DRD2: variants seen among roughly 807,000 people sequenced by gnomAD.
DRD2 encodes the protein dopamine receptor D2, also known as D(2) dopamine receptor.
A neutral mutation model predicts 38.0 loss-of-function variants in DRD2; 8 were observed. The observed-to-expected ratio is 0.21, with a 90% confidence interval of 0.12 to 0.38. The LOEUF (loss-of-function observed/expected upper bound fraction) is 0.38, where lower values mean the gene tolerates loss of function less well. Ranked by LOEUF, DRD2 falls within the 10% of genes least tolerant of loss-of-function variation. The pLI, the probability that DRD2 is intolerant of heterozygous loss-of-function variation, is 1.00. For missense variants in DRD2, 403 were observed against 607.7 expected, an observed-to-expected ratio of 0.66 and a Z score of 3.54; for synonymous variants, 230 against 238.6, an observed-to-expected ratio of 0.96 and a Z score of 0.33.
chr11:113,445,457 G>T (rs1240196304), intron 1 of DRD2, among the ~76,000 whole-genome samples: 2 of 152,156 alleles, frequency 1.3e-5, no homozygotes, highest in African/African-American at 4.8e-5. Context: ...ATTCACACAG[G>T]CACCTCCGAT....
chr11:113,441,701 A>G (rs564079368), intron 1 of DRD2, among the ~76,000 whole-genome samples: 4 of 152,214 alleles, frequency 2.6e-5, no homozygotes, highest in African/African-American at 7.2e-5. Context: ...ATGGAAAAAG[A>G]AGCTACACCT....
intron 1 of DRD2, among the ~76,000 whole-genome samples, chr11:113,430,880 G>A (rs548407015): frequency 1.3e-5 from 2 of 152,206 alleles, no homozygotes; most frequent in Non-Finnish European, 2.9e-5. Context: ...CCAATTTCTT[G>A]TTCTTTTTTT....
chr11:113,424,729 CA>C, intron 1 of DRD2, 47 bp from the exon 2 acceptor site: 1 of 1,574,788 alleles, frequency 6.4e-7, no homozygotes, highest in Non-Finnish European at 8.7e-7. Context: ...GGGCCTCTTG[CA>C]GAGGTCTCCA....
chr11:113,435,268 G>A (rs1951024719), intron 1 of DRD2, among the ~76,000 whole-genome samples: 1 of 146,698 alleles, frequency 6.8e-6, no homozygotes. Flanking sequence ...CCGTAAAAAT[G>A]TCTCCTCATA....
intron 7 of DRD2, chr11:113,411,434 T>G: frequency 6.5e-6 from 1 of 154,088 alleles, no homozygotes; most frequent in Non-Finnish European, 1.4e-5. Context: ...TTCCCCCAAT[T>G]TCCCCAGTCT....
At chr11:113,463,640 T>C (rs1951342799) in intron 1 of DRD2, among the ~76,000 whole-genome samples, 1 of 152,136 alleles carries the variant, frequency 6.6e-6, no homozygotes, top group Non-Finnish European at 1.5e-5. Flanking sequence ...ATGGTGTGCA[T>C]GCGTGTTTGC....
At chr11:113,430,663 G>T (rs1402256889) in intron 1 of DRD2, among the ~76,000 whole-genome samples, 1 of 152,192 alleles carries the variant, frequency 6.6e-6, no homozygotes, top group African/African-American at 2.4e-5. Flanking sequence ...CATCCCAAAA[G>T]AATACACAAG....
At chr11:113,460,542 C>T (rs1038702883) in intron 1 of DRD2, among the ~76,000 whole-genome samples, 6 of 152,270 alleles carry the variant, frequency 3.9e-5, no homozygotes, top group Non-Finnish European at 7.3e-5. Flanking sequence ...TTCAGAGGCA[C>T]TGCCTGGGGG....
intron 1 of DRD2, among the ~76,000 whole-genome samples, chr11:113,445,391 T>C (rs1180728339): frequency 6.6e-6 from 1 of 152,240 alleles, no homozygotes; most frequent in African/African-American, 2.4e-5. Context: ...GGGAACTCTC[T>C]GCACTACTTT....
rs77328349 is a variant in DRD2 at position 113,412,301 on chromosome 11, G to A, written c.1138+255C>T. Among the ~76,000 whole-genome samples the A allele has an allele frequency of 2.5e-3, 380 of 152,288 alleles. 3 individuals are homozygous for A. Among genetic ancestry groups the A allele is most frequent in the African/African-American group, 8.8e-3 (365 of 41,572 alleles). ...AGACTAGTCAAATTTCCAGACTCTG[G>A]AGTCAGACTGCCTGAGTTCAAACCA... On this transcript the variant is annotated intron_variant, in intron 7 of 7. Transcript: ENST00000362072.
rs1334465665 is a variant in DRD2, at chr11:113,414,400, C to T, written c.785G>A (p.Ser262Asn). Reference sequence around the variant, plus strand: ...CACTCTCCGCCTGTTCACTGGGAAACTCCCATTAGACTTCATGATAACGGT... The same window carrying T: ...CACTCTCCGCCTGTTCACTGGGAAATTCCCATTAGACTTCATGATAACGGT... Reference protein sequence around the residue: ...LCTVIMKSNGSFPVNRRRVEA... With the variant: ...LCTVIMKSNGNFPVNRRRVEA... The change falls in exon 6 of 8, where the codon AGT (serine) becomes AAT (asparagine). Residue 262 changes from serine to asparagine, a missense_variant. Physicochemically the swap from Ser to Asn is conservative, Grantham distance 46 (BLOSUM62 1). This residue lies in a region of DRD2 where 166 missense variants were observed against 178.6 expected (regional missense o/e 0.93). Transcript: ENST00000362072. 5.6e-6 allele frequency: 9 copies of T among 1,614,094 alleles called. No individual in the cohort carries two copies. The African/African-American group carries it at 6.7e-5, about 12-fold the overall frequency.
intron 1 of DRD2, among the ~76,000 whole-genome samples, chr11:113,472,689 A>G (rs1951441270): frequency 6.6e-6 from 1 of 152,216 alleles, no homozygotes; most frequent in South Asian, 2.1e-4. Flanking sequence ...ATGACGTGCT[A>G]CTAGGCTGAA....
chr11:113,424,068 A>G (rs1429126146), intron 2 of DRD2, among the ~76,000 whole-genome samples: 3 of 152,226 alleles, frequency 2.0e-5, no homozygotes, highest in African/African-American at 7.2e-5. Flanking sequence ...CAACTGCAAA[A>G]TGGTGGCAAT....
intron 1 of DRD2, among the ~76,000 whole-genome samples, chr11:113,430,049 G>C (rs1180485439): frequency 1.3e-5 from 2 of 152,226 alleles, no homozygotes; most frequent in African/African-American, 4.8e-5. Context: ...TTCAAATGCA[G>C]CTCACTAGGG....
At chr11:113,439,925 C>T (rs1050608680) in intron 1 of DRD2, among the ~76,000 whole-genome samples, 15 of 143,752 alleles carry the variant, frequency 1.0e-4, no homozygotes. Flanking sequence ...TTCATAGAGC[C>T]TATTGCTTTC....
intron 1 of DRD2, among the ~76,000 whole-genome samples, chr11:113,436,664 G>A (rs1265395064): frequency 6.6e-6 from 1 of 152,174 alleles, no homozygotes; most frequent in Non-Finnish European, 1.5e-5. Context: ...TAATTTGATC[G>A]TGGTTAAAGG....
chr11:113,442,169 G>C lies in DRD2; in HGVS notation c.-31-17487C>G, dbSNP rs527695992. Among the ~76,000 whole-genome samples the C allele has an allele frequency of 2.6e-5, 4 of 152,112 alleles. No homozygotes were observed. The East Asian group carries it at 7.7e-4, about 29-fold the overall frequency. Reference sequence around the variant, plus strand: ...AGCTTGGAAGTGGCCAGACCCCAAGGCTTTGGCAGAAGCCAAGGCAGAGAT... The same window carrying C: ...AGCTTGGAAGTGGCCAGACCCCAAGCCTTTGGCAGAAGCCAAGGCAGAGAT... On this transcript the variant is annotated intron_variant, in intron 1 of 7. Coordinates refer to ENST00000362072, the MANE Select transcript of DRD2 (RefSeq NM_000795.4).
chr11:113,422,582 C>A (rs977754850), intron 2 of DRD2, among the ~76,000 whole-genome samples: 29 of 152,236 alleles, frequency 1.9e-4, no homozygotes, highest in Admixed American at 1.6e-3. Context: ...GGACTCCTGG[C>A]CTGTGTCAAC....
intron 1 of DRD2, among the ~76,000 whole-genome samples, chr11:113,462,069 T>G (rs1951325918): frequency 6.6e-6 from 1 of 152,224 alleles, no homozygotes. Context: ...TTTTTAATCC[T>G]GAACTCCCAG....
Sources: allele counts gnomAD v4.1 joint callset (sites outside exome capture counted in the v4.1 genomes callset), GRCh38; gene constraint gnomAD v4.1.1; regional missense constraint gnomAD v4.1.1; transcripts MANE v1.5; gene names NCBI Gene and HGNC (gene_info 2026-07-23, HGNC 2026-07-21).